Variants in LPGAT1 observed in about 807,000 individuals in gnomAD.
LPGAT1 encodes lysophosphatidylglycerol acyltransferase 1.
A neutral mutation model predicts 47.5 loss-of-function variants in LPGAT1; 11 were observed. The ratio of observed to expected loss-of-function variants is 0.23; its 90% CI spans 0.15 to 0.38. The LOEUF is 0.38. Among genes scored for constraint, LPGAT1 ranks in the 10% least tolerant of loss-of-function variants. The probability of loss-of-function intolerance (pLI) is 1.00; values close to 1 mark genes in which losing one functional copy is unlikely to be tolerated. For synonymous variants in LPGAT1, 138 were observed against 144.2 expected (o/e 0.96, Z 0.31); for missense variants, 293 against 439.0 (o/e 0.67, Z 2.97).
intron 2 of LPGAT1, among the ~76,000 whole-genome samples, chr1:211,826,770 A>G (rs1660556746): frequency 6.6e-6 from 1 of 152,184 alleles, no homozygotes; most frequent in Admixed American, 6.5e-5. Flanking sequence ...TTCTCAACAA[A>G]GTTTTGGCAA....
At chr1:211,793,605 G>A (rs1042536004) in intron 2 of LPGAT1, among the ~76,000 whole-genome samples, 1 of 151,906 alleles carries the variant, frequency 6.6e-6, no homozygotes, top group African/African-American at 2.4e-5. Context: ...GCTGATTTTT[G>A]TATTTTTAGT....
intron 6 of LPGAT1, among the ~76,000 whole-genome samples, chr1:211,764,996 A>G (rs1211351964): frequency 6.6e-6 from 1 of 152,200 alleles, no homozygotes; most frequent in Non-Finnish European, 1.5e-5. Flanking sequence ...GCATTTTTAG[A>G]ACTGGAATTT....
chr1:211,812,790 C>T (rs972218002), intron 2 of LPGAT1, among the ~76,000 whole-genome samples: 5 of 152,314 alleles, frequency 3.3e-5, no homozygotes, highest in African/African-American at 1.2e-4. Context: ...GATGCAGCCA[C>T]AAGCCCAGGA....
intron 2 of LPGAT1, among the ~76,000 whole-genome samples, chr1:211,807,121 G>A (rs978657654): frequency 6.6e-6 from 1 of 152,066 alleles, no homozygotes; most frequent in African/African-American, 2.4e-5. Context: ...TTATTTATAT[G>A]AGAAATGAAC....
chr1:211,788,138 A>G (rs1425188991), intron 3 of LPGAT1, among the ~76,000 whole-genome samples: 1 of 152,238 alleles, frequency 6.6e-6, no homozygotes, highest in Non-Finnish European at 1.5e-5. Context: ...CTGTGGCTTT[A>G]TAAAATCTGA....
intron 2 of LPGAT1, among the ~76,000 whole-genome samples, chr1:211,827,489 C>A (rs1660574341): frequency 6.6e-6 from 1 of 152,222 alleles, no homozygotes; most frequent in Non-Finnish European, 1.5e-5. Context: ...TACACACGCA[C>A]AAACATTTCA....
intron 2 of LPGAT1, among the ~76,000 whole-genome samples, chr1:211,802,582 G>A (rs867630479): frequency 2.1e-4 from 32 of 152,014 alleles, no homozygotes; most frequent in African/African-American, 6.5e-4. Context: ...TAGAAAAACC[G>A]AGAGATAAAG....
At chr1:211,811,626 G>A (rs997312913) in intron 2 of LPGAT1, among the ~76,000 whole-genome samples, 52 of 152,276 alleles carry the variant, frequency 3.4e-4, no homozygotes, top group African/African-American at 9.1e-4. Flanking sequence ...GCATGGTGGT[G>A]TGCACCTGTA....
chr1:211,784,418 A>G (rs971224966), intron 4 of LPGAT1, among the ~76,000 whole-genome samples: 9 of 151,526 alleles, frequency 5.9e-5, no homozygotes, highest in Non-Finnish European at 1.3e-4. Context: ...TTGTGCCCAC[A>G]AGTTCGAGGA....
At chr1:211,819,484 CCT>C (rs993679231) in intron 2 of LPGAT1, among the ~76,000 whole-genome samples, 2 of 151,948 alleles carry the variant, frequency 1.3e-5, no homozygotes, top group Non-Finnish European at 2.9e-5. Context: ...AGAACAAGAC[CCT>C]GTCTCCAACA....
At chr1:211,790,754 A>G (rs1388944879) in intron 3 of LPGAT1, among the ~76,000 whole-genome samples, 1 of 152,160 alleles carries the variant, frequency 6.6e-6, no homozygotes, top group Non-Finnish European at 1.5e-5. Context: ...TTTTGTCCAC[A>G]TGACTGGGGA....
chr1:211,808,078 A>ACTCTCGGCTGGGCGCAGCAG (rs373835304), intron 2 of LPGAT1, among the ~76,000 whole-genome samples: 13,175 of 152,036 alleles, frequency 0.087, 677 homozygotes, highest in Admixed American at 0.15. Flanking sequence ...TATATAGAAA[A>ACTCTCGGCTGGGCGCAGCAG]CTCACGCCTG....
intron 2 of LPGAT1, among the ~76,000 whole-genome samples, chr1:211,821,290 A>C (rs959697607): frequency 3.3e-5 from 5 of 152,198 alleles, no homozygotes; most frequent in African/African-American, 1.2e-4. Context: ...AACAAAAGAC[A>C]AATTCTGAAA....
chr1:211,821,944 T>C (rs1168212191), intron 2 of LPGAT1, among the ~76,000 whole-genome samples: 3 of 152,190 alleles, frequency 2.0e-5, no homozygotes, highest in Non-Finnish European at 4.4e-5. Context: ...TTTTGACATA[T>C]GAATAAATAT....
intron 6 of LPGAT1, among the ~76,000 whole-genome samples, chr1:211,752,234 C>T (rs1657220456): frequency 6.6e-6 from 1 of 152,134 alleles, no homozygotes; most frequent in African/African-American, 2.4e-5. Flanking sequence ...AATTCAACCA[C>T]AAACTCTCAG....
chr1:211,778,939 G>C lies in LPGAT1; in HGVS notation c.833C>G (p.Thr278Arg), dbSNP rs1371003316. 1 of 1,605,386 alleles carries C rather than the reference G, an allele frequency of 6.2e-7. No individual in the cohort carries two copies. The highest frequency in any genetic ancestry group is 8.5e-7 in the Non-Finnish European group (1 of 1,176,816). Residue 278 changes from threonine (T) to arginine (R), a missense_variant, in exon 6 of 8, where the codon ACA becomes AGA. Transcript: ENST00000366997. ...TTACCTGTAATGTACATGTGTGACT[G>C]TTGGTTTCCTGTATCCAAGGATCCA... is the stretch of plus-strand genomic sequence containing the variant. ...QTWILGYRKP[T>R]VTHVHYRIFP...
chr1:211,806,679 T>C (rs1349200655), intron 2 of LPGAT1, among the ~76,000 whole-genome samples: 2 of 152,216 alleles, frequency 1.3e-5, no homozygotes, highest in East Asian at 3.9e-4. Flanking sequence ...ACAAATAAAA[T>C]TTTTTTAAAA....
chr1:211,830,680 G>C lies in LPGAT1; in HGVS notation c.-135C>G. The C allele has an allele frequency of 8.4e-7, 1 of 1,190,942 alleles. No individual in the cohort carries two copies. The highest frequency in any genetic ancestry group is 1.0e-6 in the Non-Finnish European group (1 of 964,084). The allele number at this position is 1,190,942 out of a possible 1,614,324, so 73.8% of individuals were successfully genotyped here. ...GAAGGCGGTGGCGGGGCCCTGCCCC[G>C]CTCCGGCTGTGGCGCGGCCCGCGCC... On this transcript the variant is annotated 5_prime_UTR_variant, in exon 1 of 8. Transcript: ENST00000366997. The surrounding 1 kb of genome is among the most constrained non-coding windows in gnomAD (Gnocchi z 5.9).
intron 2 of LPGAT1, among the ~76,000 whole-genome samples, chr1:211,797,932 G>A (rs1659412804): frequency 1.3e-5 from 2 of 151,946 alleles, no homozygotes; most frequent in East Asian, 3.8e-4. Flanking sequence ...CAAAGCTAAA[G>A]GTTATCATCT....
Sources: allele counts gnomAD v4.1 joint callset (sites outside exome capture counted in the v4.1 genomes callset), GRCh38; gene constraint gnomAD v4.1.1; non-coding constraint Gnocchi (gnomAD v3.1); transcripts MANE v1.5; gene names NCBI Gene and HGNC (gene_info 2026-07-23, HGNC 2026-07-21).